Variants in CSMD3 observed in about 807,000 individuals in gnomAD.
CSMD3 encodes CUB and sushi domain-containing protein 3.
In CSMD3, 177 loss-of-function variants were observed where a neutral mutation model predicts 435.2. The observed-to-expected ratio is 0.41, with a 90% CI of 0.36 to 0.46. The LOEUF is 0.46. CSMD3 is among the 20% of genes least tolerant of loss of function. CSMD3 has a pLI of 0.34. For synonymous variants in CSMD3, 1,656 were observed against 1,520.5 expected (o/e 1.09, Z -2.07); for missense variants, 4,265 against 4,504.6 (o/e 0.95, Z 1.52).
At chr8:112,279,335 A>G (rs934561442) in intron 59 of CSMD3, among the ~76,000 whole-genome samples, 1 of 152,172 alleles carries the variant, frequency 6.6e-6, no homozygotes, top group African/African-American at 2.4e-5. Context: ...TAGAGGAGTT[A>G]CCAAACACAA....
At chr8:112,643,454 TA>T (rs1341480386) in intron 20 of CSMD3, 2 of 170,226 alleles carry the variant, frequency 1.2e-5, no homozygotes, top group African/African-American at 4.8e-5. Context: ...CAGACAAACT[TA>T]GTTGGCTCTT....
chr8:112,663,582 C>T (rs966283787), intron 17 of CSMD3, among the ~76,000 whole-genome samples: 2 of 151,452 alleles, frequency 1.3e-5, no homozygotes, highest in African/African-American at 4.9e-5. Flanking sequence ...CACATGTATA[C>T]ATATGTAACA....
chr8:112,344,625 T>C (rs1278865107), intron 41 of CSMD3, among the ~76,000 whole-genome samples: 2 of 152,178 alleles, frequency 1.3e-5, no homozygotes, highest in East Asian at 3.9e-4. Context: ...CTATTCATCC[T>C]AGTCTTCTGT....
chr8:112,240,743 A>T (rs1814043920), intron 66 of CSMD3, among the ~76,000 whole-genome samples: 1 of 152,018 alleles, frequency 6.6e-6, no homozygotes, highest in African/African-American at 2.4e-5. Context: ...CTTGAATTGT[A>T]CTCCCATAAT....
chr8:113,024,590 C>G (rs2086804848), intron 5 of CSMD3, among the ~76,000 whole-genome samples: 1 of 151,930 alleles, frequency 6.6e-6, no homozygotes, highest in Non-Finnish European at 1.5e-5. Context: ...AGAAGGGTAC[C>G]TTTTTCTCTG....
chr8:112,875,110 C>T (rs886835186), intron 10 of CSMD3, among the ~76,000 whole-genome samples: 1 of 152,060 alleles, frequency 6.6e-6, no homozygotes, highest in Non-Finnish European at 1.5e-5. Flanking sequence ...TAAATCAGGC[C>T]TCATGGTGAC....
chr8:112,855,657 T>C (rs1475502189), intron 11 of CSMD3, among the ~76,000 whole-genome samples: 1 of 151,982 alleles, frequency 6.6e-6, no homozygotes, highest in African/African-American at 2.4e-5. Flanking sequence ...GACAGATAGA[T>C]AGATATATAA....
intron 27 of CSMD3, among the ~76,000 whole-genome samples, chr8:112,528,113 G>T (rs1287078492): frequency 6.6e-6 from 1 of 152,086 alleles, no homozygotes; most frequent in East Asian, 1.9e-4. Context: ...CTGTATGCAA[G>T]TTGCAAGTTC....
chr8:113,086,008 C>A (rs2089756099), intron 5 of CSMD3, among the ~76,000 whole-genome samples: 1 of 152,014 alleles, frequency 6.6e-6, no homozygotes, highest in Non-Finnish European at 1.5e-5. Context: ...GAGGCCGAGG[C>A]AGGTGGATCA....
At chr8:112,601,720 T>C (rs1171332943) in intron 22 of CSMD3, among the ~76,000 whole-genome samples, 4 of 152,116 alleles carry the variant, frequency 2.6e-5, no homozygotes, top group South Asian at 4.1e-4. Flanking sequence ...TTTAAACATA[T>C]TAATTTTCCT....
intron 10 of CSMD3, among the ~76,000 whole-genome samples, chr8:112,867,288 C>A (rs1253010284): frequency 6.6e-6 from 1 of 152,054 alleles, no homozygotes; most frequent in Non-Finnish European, 1.5e-5. Flanking sequence ...TCTTACCATC[C>A]ATTCTTTGAA....
At chr8:113,059,643 T>C (rs903512586) in intron 5 of CSMD3, among the ~76,000 whole-genome samples, 2 of 152,186 alleles carry the variant, frequency 1.3e-5, no homozygotes, top group East Asian at 1.9e-4. Context: ...TCTGAGGTTA[T>C]GGTTGTATGT....
intron 22 of CSMD3, among the ~76,000 whole-genome samples, chr8:112,616,879 T>C (rs887305672): frequency 6.6e-6 from 1 of 152,180 alleles, no homozygotes; most frequent in Non-Finnish European, 1.5e-5. Context: ...AAGGCTTATA[T>C]AGAAGCCTGA....
chr8:113,290,522 C>T (rs1350346036), intron 2 of CSMD3, among the ~76,000 whole-genome samples: 3 of 151,644 alleles, frequency 2.0e-5, no homozygotes, highest in Non-Finnish European at 4.4e-5. Flanking sequence ...ATTATCACCA[C>T]TGCCCTCTGA....
rs907343329 is a variant in CSMD3 at position 113,172,614 on chromosome 8, T to C, written c.709+1108A>G. 2.0e-5 allele frequency among the ~76,000 whole-genome samples: 3 copies of C among 152,316 alleles called. No individual in the cohort carries two copies. In the East Asian group the frequency reaches 5.8e-4, roughly 29 times the overall value. On this transcript the variant is annotated intron_variant, in intron 4 of 70. Transcript: ENST00000297405. ...ATTAGTTAAATGAGGTAAATGAGAC[T>C]CAAATTGTTGAACTGATTTTCCTGA...
intron 5 of CSMD3, among the ~76,000 whole-genome samples, chr8:113,045,187 AAAC>A (rs1007062305): frequency 6.7e-6 from 1 of 149,206 alleles, no homozygotes; most frequent in Non-Finnish European, 1.5e-5. Flanking sequence ...AAAACAAAAC[AAAC>A]AACAACAAAA....
chr8:113,055,217 C>A (rs1304709133), intron 5 of CSMD3, among the ~76,000 whole-genome samples: 1 of 152,094 alleles, frequency 6.6e-6, no homozygotes, highest in Non-Finnish European at 1.5e-5. Flanking sequence ...GTGGCGTGAT[C>A]TCGACTCACT....
In CSMD3 at chr8:113,319,527, T is replaced by C. The variant is rs201859383; in HGVS notation, c.179-4734A>G. On this transcript the variant is annotated intron_variant, in intron 1 of 70. Coordinates refer to ENST00000297405, the MANE Select transcript of CSMD3 (RefSeq NM_198123.2). ...CATAAATTGCCTATTATTTTGTTGA[T>C]TGTTTCCTTTATTGTTCCTAAGGTT... 3.3e-5 allele frequency among the ~76,000 whole-genome samples: 5 copies of C among 152,180 alleles called. No individual in the cohort carries two copies. The East Asian group carries it at 7.7e-4, about 23-fold the overall frequency.
intron 4 of CSMD3, among the ~76,000 whole-genome samples, chr8:113,112,075 G>T (rs1374251803): frequency 1.3e-5 from 2 of 151,912 alleles, no homozygotes; most frequent in African/African-American, 4.8e-5. Context: ...TCATTTTCAA[G>T]ATTTTCATTT....
Sources: allele counts gnomAD v4.1 joint callset (sites outside exome capture counted in the v4.1 genomes callset), GRCh38; gene constraint gnomAD v4.1.1; transcripts MANE v1.5; gene names NCBI Gene and HGNC (gene_info 2026-07-23, HGNC 2026-07-21).